Variants in SPATA13 observed in about 807,000 individuals in gnomAD.
SPATA13 encodes the protein spermatogenesis-associated protein 13.
Under a neutral mutation model 104.0 loss-of-function variants are expected in SPATA13, and 50 were observed. That is an observed-to-expected ratio of 0.48 (90% CI 0.38 to 0.61). The LOEUF is 0.61. Ranked by LOEUF, SPATA13 falls within the 20% of genes least tolerant of loss-of-function variation. The probability of loss-of-function intolerance (pLI) is 0.00; values close to 1 mark genes in which losing one functional copy is unlikely to be tolerated. For missense variants in SPATA13, 1,524 were observed against 1,690.6 expected, an observed-to-expected ratio of 0.90 and a Z score of 1.73; for synonymous variants, 606 against 667.5, an observed-to-expected ratio of 0.91 and a Z score of 1.42.
intron 3 of SPATA13, among the ~76,000 whole-genome samples, chr13:24,072,592 A>G (rs1281794282): frequency 1.3e-5 from 2 of 152,160 alleles, no homozygotes; most frequent in Non-Finnish European, 2.9e-5. Context: ...CTCAGTCCCC[A>G]GAATCCTGGC....
At chr13:23,989,745 C>G (rs1593260373) in intron 2 of SPATA13, among the ~76,000 whole-genome samples, 1 of 152,166 alleles carries the variant, frequency 6.6e-6, no homozygotes, top group East Asian at 1.9e-4. Flanking sequence ...ATGCTGAAAT[C>G]TAACCCCCAA....
At chr13:24,124,318 G>A (rs781089483) in intron 3 of SPATA13, among the ~76,000 whole-genome samples, 11 of 152,192 alleles carry the variant, frequency 7.2e-5, no homozygotes, top group Middle Eastern at 3.2e-3. Context: ...GATGAGGAAG[G>A]TAACAGCCAC....
rs56667767 is a variant in SPATA13, at chr13:24,186,714, A to G, written c.-112+25782A>G. On this transcript the variant is annotated intron_variant, in intron 1 of 12. Coordinates refer to ENST00000382108, the MANE Select transcript of SPATA13 (RefSeq NM_001166271.3). Reference sequence around the variant, plus strand: ...AACATTAATTTTCTGCACAGAAAATACAGGTTTGAGAGGGAAGTGCTCCAC... The same window carrying G: ...AACATTAATTTTCTGCACAGAAAATGCAGGTTTGAGAGGGAAGTGCTCCAC... 9.5e-3 allele frequency among the ~76,000 whole-genome samples: 1,454 copies of G among 152,288 alleles called. 27 individuals are homozygous for G. Among genetic ancestry groups the G allele is most frequent in the African/African-American group, 0.033 (1,377 of 41,548 alleles).
chr13:24,092,860 G>A (rs1423346540), intron 3 of SPATA13, among the ~76,000 whole-genome samples: 1 of 152,142 alleles, frequency 6.6e-6, no homozygotes, highest in Non-Finnish European at 1.5e-5. Context: ...TGAAAAGGCT[G>A]GTAACAACTA....
At chr13:24,017,350 G>A (rs139059736) in intron 2 of SPATA13, among the ~76,000 whole-genome samples, 77 of 152,232 alleles carry the variant, frequency 5.1e-4, no homozygotes, top group African/African-American at 1.7e-3. Context: ...CCACGTGCTT[G>A]ACCTGAATTC....
chr13:24,032,918 C>T (rs146318107), intron 3 of SPATA13, among the ~76,000 whole-genome samples: 28 of 152,160 alleles, frequency 1.8e-4, no homozygotes, highest in African/African-American at 5.5e-4. Context: ...AATACTGGGG[C>T]GTTTGATAAA....
intron 4 of SPATA13, among the ~76,000 whole-genome samples, chr13:24,275,604 C>T (rs1874920270): frequency 6.6e-6 from 1 of 152,178 alleles, no homozygotes; most frequent in Non-Finnish European, 1.5e-5. Flanking sequence ...CAATTTGGAG[C>T]AGTCTTTGCT....
chr13:24,226,711 G>C (rs943376766), intron 2 of SPATA13, among the ~76,000 whole-genome samples: 1 of 152,176 alleles, frequency 6.6e-6, no homozygotes, highest in African/African-American at 2.4e-5. Flanking sequence ...CCTCAGTTTT[G>C]TCTTAGCACC....
intron 3 of SPATA13, among the ~76,000 whole-genome samples, chr13:24,038,717 C>G (rs1432516936): frequency 6.6e-6 from 1 of 152,122 alleles, no homozygotes; most frequent in Non-Finnish European, 1.5e-5. Context: ...TTTACAGAAA[C>G]AAGCAGGGGC....
chr13:24,075,341 T>C (rs1477641013), intron 3 of SPATA13, among the ~76,000 whole-genome samples: 1 of 152,230 alleles, frequency 6.6e-6, no homozygotes, highest in East Asian at 1.9e-4. Flanking sequence ...GTTTGGCAAA[T>C]AGTAGTCACT....
At chr13:24,248,734 C>G (rs1314317764) in intron 2 of SPATA13, among the ~76,000 whole-genome samples, 1 of 152,190 alleles carries the variant, frequency 6.6e-6, no homozygotes, top group Non-Finnish European at 1.5e-5. Flanking sequence ...AAAGCACCTT[C>G]TATTTTTAAG....
chr13:24,270,815 A>G (rs1346275660), intron 4 of SPATA13: 1 of 1,612,608 alleles, frequency 6.2e-7, no homozygotes, highest in Non-Finnish European at 8.5e-7. Flanking sequence ...CCTCGGTCAC[A>G]CCCCAGTCCT....
At chr13:24,290,009 T>A (rs1876223735) in intron 8 of SPATA13, among the ~76,000 whole-genome samples, 1 of 152,180 alleles carries the variant, frequency 6.6e-6, no homozygotes, top group Non-Finnish European at 1.5e-5. Flanking sequence ...GACGTGGGCA[T>A]ATCTGGGACA....
At position 24,249,672 on chromosome 13, in the gene SPATA13, C is replaced by T. The variant is rs745702947; in HGVS notation, c.1849C>T (p.Arg617Cys). 1.7e-5 allele frequency: 28 copies of T among 1,614,064 alleles called. No homozygotes were observed. Among genetic ancestry groups the T allele is most frequent in the African/African-American group, 8.0e-5 (6 of 74,936 alleles). Reference sequence around the variant, plus strand: ...TGCTGCAGACCCCCAGAAGGAAGACCGTGTGGACGAGGACCCCCAGGCAAG... The same window carrying T: ...TGCTGCAGACCCCCAGAAGGAAGACTGTGTGGACGAGGACCCCCAGGCAAG... ...SVAADPQKED[R>C]VDEDPQASMT... Residue 617 changes from arginine to cysteine, a missense_variant, in exon 3 of 13, where the codon CGT becomes TGT. Arg to Cys is a radical substitution (Grantham distance 180). Around this residue, in one of 2 missense-constraint regions of SPATA13, gnomAD observed 1,089 missense variants for 1,135.9 expected, o/e 0.96. Coordinates refer to ENST00000382108, the MANE Select transcript of SPATA13 (RefSeq NM_001166271.3).
rs538835505 is a variant in SPATA13 at position 24,051,645 on chromosome 13, G to A, written c.-112+33944G>A. Among the ~76,000 whole-genome samples, 1 of 152,242 alleles carries A rather than the reference G, an allele frequency of 6.6e-6. No homozygotes were observed. Among genetic ancestry groups the A allele is most frequent in the South Asian group, 2.1e-4 (1 of 4,818 alleles). On this transcript the variant is annotated intron_variant, in intron 3 of 14. Transcript: ENST00000424834. This position sits in a 1 kb window ranked among gnomAD's most constrained non-coding sequence, Gnocchi z 4.2. ...AATGCTCCCTGTTTGGGGATGGAGG[G>A]GTGGGGACTTAGGGGCAAGGGGAAG...
chr13:24,299,219 G>A (rs1287236980), intron 11 of SPATA13, among the ~76,000 whole-genome samples: 1 of 152,186 alleles, frequency 6.6e-6, no homozygotes, highest in Non-Finnish European at 1.5e-5. Context: ...ACTATTTAGT[G>A]GGGGCATCCT....
At position 24,286,480 on chromosome 13, in the gene SPATA13, A is replaced by G. The variant is rs1875956810; in HGVS notation, c.2481+87A>G. On this transcript the variant is annotated intron_variant, in intron 6 of 12. Coordinates refer to ENST00000382108, the MANE Select transcript of SPATA13 (RefSeq NM_001166271.3). The surrounding 1 kb of genome is among the most constrained non-coding windows in gnomAD (Gnocchi z 4.9). Reference sequence around the variant, plus strand: ...GTCAGAACTCGCCTTTTATCAGGTCAGCTCTTTTGTAATTGATATCTGACA... The same window carrying G: ...GTCAGAACTCGCCTTTTATCAGGTCGGCTCTTTTGTAATTGATATCTGACA... The G allele has an allele frequency of 1.5e-6, 2 of 1,363,230 alleles. No individual in the cohort carries two copies. Among genetic ancestry groups the G allele is most frequent in the Non-Finnish European group, 2.0e-6 (2 of 1,007,850 alleles). The allele number at this position is 1,363,230 out of a possible 1,614,324, so 84.4% of individuals were successfully genotyped here. A position where few individuals can be genotyped will look rare whatever the true frequency, so the allele number is the denominator to read the frequency against.
At chr13:24,285,694 T>G (rs1215064322) in intron 5 of SPATA13, among the ~76,000 whole-genome samples, 2 of 151,456 alleles carry the variant, frequency 1.3e-5, no homozygotes, top group African/African-American at 4.9e-5. Context: ...TTTTTTTTTT[T>G]TTTTGAGACA....
At chr13:24,100,097 G>A (rs1055461542) in intron 3 of SPATA13, among the ~76,000 whole-genome samples, 8 of 151,420 alleles carry the variant, frequency 5.3e-5, no homozygotes, top group Non-Finnish European at 1.2e-4. Context: ...ATTCTTTTCC[G>A]TGGCTTTCTC....
Sources: allele counts gnomAD v4.1 joint callset (sites outside exome capture counted in the v4.1 genomes callset), GRCh38; gene constraint gnomAD v4.1.1; regional missense constraint gnomAD v4.1.1; non-coding constraint Gnocchi (gnomAD v3.1); transcripts MANE v1.5; gene names NCBI Gene and HGNC (gene_info 2026-07-23, HGNC 2026-07-21).